BTBD8: variants seen among roughly 807,000 people sequenced by gnomAD.
The protein encoded by BTBD8 is BTB/POZ domain-containing protein 8.
BTBD8 carries 110 observed loss-of-function variants against 162.9 expected under a neutral mutation model. That is an observed-to-expected ratio of 0.68 (90% CI 0.58 to 0.79). The LOEUF (loss-of-function observed/expected upper bound fraction) is 0.79. Ranked by LOEUF, BTBD8 falls within the 30% of genes least tolerant of loss-of-function variation. The pLI is 0.00. For missense variants in BTBD8, 1,905 were observed against 2,085.4 expected (o/e 0.91, Z 1.68); for synonymous variants, 667 against 716.1 (o/e 0.93, Z 1.10).
At chr1:92,151,527 A>G (rs1236458655) in intron 9 of BTBD8, among the ~76,000 whole-genome samples, 2 of 152,132 alleles carry the variant, frequency 1.3e-5, no homozygotes, top group Non-Finnish European at 2.9e-5. Context: ...ATGTAGTAGT[A>G]GTACCAGTAT....
rs746723592 is a variant in BTBD8, at chr1:92,102,505, A to G, written c.380A>G (p.Asn127Ser). Residue 127 changes from asparagine (N) to serine (S), a missense_variant, in exon 3 of 18, where the codon AAC becomes AGC. Physicochemically the swap from Asn to Ser is conservative, Grantham distance 46. Transcript: ENST00000636805. ...TATTCATCAAACAGAAACATAAAAA[A>G]CTATGAAGAGGAAATTCTTAGGAAA... ...IIYSSNRNIKNYEEEILRKKI... is the reference protein window; with the variant it reads ...IIYSSNRNIKSYEEEILRKKI... 1.9e-6 allele frequency: 3 copies of G among 1,555,066 alleles called. No homozygotes were observed. The highest frequency in any genetic ancestry group is 2.0e-5 in the Admixed American group (1 of 49,880).
intron 12 of BTBD8, among the ~76,000 whole-genome samples, chr1:92,169,729 C>T (rs1407683376): frequency 3.9e-5 from 6 of 152,066 alleles, no homozygotes; most frequent in Non-Finnish European, 7.4e-5. Context: ...ATGAAGCAAA[C>T]ATTTTAGTAC....
chr1:92,091,536 CTTT>C (rs549874884), intron 2 of BTBD8, among the ~76,000 whole-genome samples: 2 of 146,210 alleles, frequency 1.4e-5, no homozygotes, highest in Non-Finnish European at 3.0e-5. Context: ...GCTGGTCTCT[CTTT>C]TTTTTTTTAT....
At chr1:92,120,277 G>A (rs971306202) in intron 4 of BTBD8, among the ~76,000 whole-genome samples, 4 of 152,042 alleles carry the variant, frequency 2.6e-5, no homozygotes, top group Non-Finnish European at 4.4e-5. Flanking sequence ...TTACTTACTA[G>A]GCCTACACAG....
chr1:92,160,510 G>A (rs182170594), intron 9 of BTBD8, among the ~76,000 whole-genome samples: 1 of 152,136 alleles, frequency 6.6e-6, no homozygotes, highest in Non-Finnish European at 1.5e-5. Flanking sequence ...AATCAGCCCA[G>A]CCAGAGATTC....
intron 1 of BTBD8, among the ~76,000 whole-genome samples, chr1:92,081,064 C>A (rs1375525001): frequency 6.6e-6 from 1 of 152,128 alleles, no homozygotes; most frequent in Non-Finnish European, 1.5e-5. Context: ...GAAACTTACA[C>A]AATTTTTAAA....
rs759204314 is a variant in BTBD8, at chr1:92,147,200, G to A, written c.951G>A (p.Thr317=). The change falls in exon 8 of 18, where the codon ACG becomes ACA. Residue 317 remains threonine, a synonymous_variant. Transcript: ENST00000636805. ...FFQKPVPRTL[T]SILECLIIAH... Reference sequence around the variant, plus strand: ...TTTAGCCTGTTCCCAGAACATTGACGTCTATACTAGAATGCCTGATTATTG... The same window carrying A: ...TTTAGCCTGTTCCCAGAACATTGACATCTATACTAGAATGCCTGATTATTG... The A allele has an allele frequency of 1.1e-5, 18 of 1,608,788 alleles. No homozygotes were observed. The highest frequency in any genetic ancestry group is 1.6e-4 in the Middle Eastern group (1 of 6,062).
At chr1:92,152,572 T>C (rs1426767563) in intron 9 of BTBD8, among the ~76,000 whole-genome samples, 3 of 152,132 alleles carry the variant, frequency 2.0e-5, no homozygotes, top group Non-Finnish European at 4.4e-5. Context: ...AGTATTCTGC[T>C]GTAACTGGAA....
chr1:92,176,913 T>C lies in BTBD8; in HGVS notation c.1720T>C (p.Ser574Pro). The C allele has an allele frequency of 6.5e-7, 1 of 1,537,862 alleles. No homozygotes were observed. The highest frequency in any genetic ancestry group is 8.8e-7 in the Non-Finnish European group (1 of 1,141,758). The change falls in exon 14 of 18, where the codon TCT becomes CCT. Residue 574 changes from serine (S) to proline (P), a missense_variant. Physicochemically the swap from Ser to Pro is moderately conservative, Grantham distance 74. This residue lies in a region of BTBD8 where 1,374 missense variants were observed against 1,442.7 expected (regional missense o/e 0.95). Transcript: ENST00000636805. ...NNKKECWSYL[S>P]TNKKMKSDGL... The stretch of plus-strand genomic sequence containing the variant: ...CAAGAAAGAGTGTTGGAGTTATCTC[T>C]CTACTAATAAAAAGATGAAATCTGA...
At chr1:92,104,113 C>G (rs572231644) in intron 3 of BTBD8, among the ~76,000 whole-genome samples, 2 of 152,168 alleles carry the variant, frequency 1.3e-5, no homozygotes, top group Non-Finnish European at 2.9e-5. Context: ...TAAGCAAATG[C>G]GAAATTCATG....
rs536053162 is a variant in BTBD8 at position 92,104,117 on chromosome 1, A to G, written c.544+1448A>G. The stretch of plus-strand genomic sequence containing the variant: ...AATTTTGCACCTAAGCAAATGCGAA[A>G]TTCATGTTATGCTCAAATTGTTCCC... On this transcript the variant is annotated intron_variant, in intron 3 of 17. Coordinates refer to ENST00000636805, the MANE Select transcript of BTBD8 (RefSeq NM_001376131.1). 2.0e-5 allele frequency among the ~76,000 whole-genome samples: 3 copies of G among 152,360 alleles called. No individual in the cohort carries two copies. In the South Asian group the frequency reaches 6.2e-4, roughly 32 times the overall value.
In BTBD8 at chr1:92,088,881, T is replaced by C; in HGVS notation, c.333T>C (p.Phe111=). 1 of 1,609,774 alleles carries C rather than the reference T, an allele frequency of 6.2e-7. No homozygotes were observed. Among genetic ancestry groups the C allele is most frequent in the South Asian group, 1.1e-5 (1 of 90,126 alleles). ...TGGAGAATGTTGAAGCTTTAGAATTTAGAACGTTTTTACAGTAAGTGCTTT... is the reference window on the plus strand; with the variant it reads ...TGGAGAATGTTGAAGCTTTAGAATTCAGAACGTTTTTACAGTAAGTGCTTT... ...IAVENVEALE[F]RTFLQIIYSS... Residue 111 remains phenylalanine, a synonymous_variant, in exon 2 of 18, where the codon TTT becomes TTC. Coordinates refer to ENST00000636805, the MANE Select transcript of BTBD8 (RefSeq NM_001376131.1).
chr1:92,168,945 C>T lies in BTBD8; in HGVS notation c.1523C>T (p.Thr508Ile). The stretch of plus-strand genomic sequence containing the variant: ...CAGTCTTTCTATGCTGTTCGTCACA[C>T]AGAAAGCTGGAAGCTGATGAGCACA... ...LVQSFYAVRHTESWKLMSTDD... is the reference protein window; with the variant it reads ...LVQSFYAVRHIESWKLMSTDD... Residue 508 changes from threonine (T) to isoleucine (I), a missense_variant, in exon 12 of 18, where the codon ACA becomes ATA. By Grantham distance (89) the Thr-to-Ile change is moderately conservative (BLOSUM62 -1). Transcript: ENST00000636805. The T allele has an allele frequency of 1.3e-6, 2 of 1,543,528 alleles. No homozygotes were observed. The highest frequency in any genetic ancestry group is 1.8e-6 in the Non-Finnish European group (2 of 1,141,016).
rs1199522906 is a variant in BTBD8 at position 92,182,454 on chromosome 1, A to G, written c.4771A>G (p.Arg1591Gly). 11 of 1,551,532 alleles carry G rather than the reference A, an allele frequency of 7.1e-6. No individual in the cohort carries two copies. The highest frequency in any genetic ancestry group is 9.6e-6 in the Non-Finnish European group (11 of 1,146,906). Residue 1591 changes from arginine to glycine, a missense_variant, in exon 17 of 18, where the codon AGA becomes GGA. This residue lies in a region of BTBD8 where 517 missense variants were observed against 606.6 expected (regional missense o/e 0.85). Coordinates refer to ENST00000636805, the MANE Select transcript of BTBD8 (RefSeq NM_001376131.1). ...ACCATGTCACTTGGATCTTCATCAA[A>G]GAGAACCCAATTCTGACATACCAAA... The part of the protein sequence containing the change: ...ERPCHLDLHQ[R>G]EPNSDIPKNS...
Position 92,177,422 on chromosome 1 carries a change from G to A in BTBD8, c.2229G>A (p.Leu743=), listed in dbSNP as rs1244589316. Residue 743 remains leucine, a synonymous_variant, in exon 14 of 18, where the codon CTG becomes CTA. Coordinates refer to ENST00000636805, the MANE Select transcript of BTBD8 (RefSeq NM_001376131.1). ...AATTCTCAATTTCCACTGAATGTCT[G>A]GATGAACCGAAAGAAAATGGATCAA... is the stretch of plus-strand genomic sequence containing the variant. ...SMEFSISTEC[L]DEPKENGSTE... is the part of the protein sequence containing the mutation. The A allele has an allele frequency of 2.6e-6, 4 of 1,551,608 alleles. No individual in the cohort carries two copies. The highest frequency in any genetic ancestry group is 2.6e-6 in the Non-Finnish European group (3 of 1,147,002).
intron 5 of BTBD8, among the ~76,000 whole-genome samples, chr1:92,133,223 C>T (rs1649554143): frequency 6.6e-6 from 1 of 152,166 alleles, no homozygotes; most frequent in Admixed American, 6.5e-5. Flanking sequence ...TCCTTACAGG[C>T]AGTAGTATAT....
intron 1 of BTBD8, 23 bp from the exon 2 acceptor site, chr1:92,088,675 T>G: frequency 3.3e-6 from 5 of 1,502,330 alleles, no homozygotes; most frequent in Non-Finnish European, 3.6e-6. Context: ...AATTAAACTA[T>G]GATTCCTTTT....
In BTBD8 at chr1:92,080,467, T is replaced by C. The variant is rs1647967419; in HGVS notation, c.-105T>C. 2.0e-6 allele frequency: 3 copies of C among 1,506,738 alleles called. No homozygotes were observed. The highest frequency in any genetic ancestry group is 2.6e-5 in the South Asian group (2 of 76,682). The allele number at this position is 1,506,738 out of a possible 1,614,324, so 93.3% of individuals were successfully genotyped here. A position where few individuals can be genotyped will look rare whatever the true frequency, so the allele number is the denominator to read the frequency against. On this transcript the variant is annotated 5_prime_UTR_variant, in exon 1 of 18. Coordinates refer to ENST00000636805, the MANE Select transcript of BTBD8 (RefSeq NM_001376131.1). Reference sequence around the variant, plus strand: ...CAACCTTTTACCCTAGGGGGCGGATTTGGGTAGGAGCCGAGCGTTCGGTCG... The same window carrying C: ...CAACCTTTTACCCTAGGGGGCGGATCTGGGTAGGAGCCGAGCGTTCGGTCG...
At chr1:92,083,457 T>C (rs1044528030) in intron 1 of BTBD8, among the ~76,000 whole-genome samples, 3 of 152,122 alleles carry the variant, frequency 2.0e-5, no homozygotes, top group African/African-American at 7.2e-5. Flanking sequence ...TTTAGCCCAT[T>C]GTCCATTCAG....
Sources: gnomAD v4.1 joint callset for allele counts (sites outside exome capture counted in the v4.1 genomes callset) on GRCh38, gnomAD v4.1.1 for gene constraint, gnomAD v4.1.1 regional missense constraint, MANE v1.5 for transcripts, NCBI Gene and HGNC (gene_info 2026-07-23, HGNC 2026-07-21) for gene names.